PTH2R: variants seen among roughly 807,000 people sequenced by gnomAD.
The protein encoded by PTH2R is PTH2 receptor.
PTH2R carries 59 observed loss-of-function variants against 60.3 expected under a neutral mutation model. The observed-to-expected ratio is 0.98, with a 90% CI of 0.79 to 1.22. The LOEUF is 1.22. PTH2R is among the 50% of genes most tolerant of loss of function. PTH2R has a pLI of 0.00. For synonymous variants in PTH2R, 256 were observed against 243.8 expected (o/e 1.05, Z -0.47); for missense variants, 749 against 682.6 (o/e 1.10, Z -1.08).
rs771076227 is a variant in PTH2R at position 208,489,156 on chromosome 2, G to A, written c.1215+6G>A. The A allele has an allele frequency of 3.1e-6, 5 of 1,613,928 alleles. No homozygotes were observed. The Admixed American group carries it at 8.3e-5, about 27-fold the overall frequency. ...TCTTCTTCAACTCCTTTCAGGTAAA[G>A]GGTGCTGCCTAGTCATCTGATTCTT... On this transcript the variant is annotated splice_donor_region_variant and intron_variant, in intron 11 of 12. Coordinates refer to ENST00000272847, the MANE Select transcript of PTH2R (RefSeq NM_005048.4).
In PTH2R at chr2:208,489,145, T is replaced by A; in HGVS notation, c.1210T>A (p.Phe404Ile). ...GCACTGTGAGCTCTTCTTCAACTCC[T>A]TTCAGGTAAAGGGTGCTGCCTAGTC... ...RMHCELFFNS[F>I]QGFFVSIIYC... Residue 404 changes from phenylalanine (F) to isoleucine (I), a missense_variant, in exon 11 of 13, where the codon TTT (phenylalanine) becomes ATT (isoleucine). Transcript: ENST00000272847. 6.2e-7 allele frequency: 1 copy of A among 1,614,044 alleles called. No individual in the cohort carries two copies. The highest frequency in any genetic ancestry group is 8.5e-7 in the Non-Finnish European group (1 of 1,179,946).
rs1420875610 is a variant in PTH2R, at chr2:208,428,322, T to C, written c.178+19T>C. On this transcript the variant is annotated intron_variant, in intron 2 of 12. Coordinates refer to ENST00000272847, the MANE Select transcript of PTH2R (RefSeq NM_005048.4). ...GAGGGAGGTAAAGATGCCAAGAAAATTGGCTCTCCTTGTGCCTCCTATCTG... is the reference window on the plus strand; with the variant it reads ...GAGGGAGGTAAAGATGCCAAGAAAACTGGCTCTCCTTGTGCCTCCTATCTG... 3.2e-6 allele frequency: 5 copies of C among 1,558,004 alleles called. No homozygotes were observed. The African/African-American group carries it at 5.4e-5, about 17-fold the overall frequency.
chr2:208,464,164 G>T (rs1050839879), intron 9 of PTH2R, among the ~76,000 whole-genome samples: 1 of 152,130 alleles, frequency 6.6e-6, no homozygotes, highest in Admixed American at 6.5e-5. Context: ...TCTCACTTTT[G>T]TAATTTTCCA....
chr2:208,361,340 G>C (rs1472908746), intron 1 of PTH2R: 1 of 152,364 alleles, frequency 6.6e-6, no homozygotes, highest in Non-Finnish European at 1.5e-5. Flanking sequence ...CTCCAGGTTT[G>C]GCAGCAATGG....
At chr2:208,456,199 G>A (rs1444245774) in intron 8 of PTH2R, among the ~76,000 whole-genome samples, 1 of 151,752 alleles carries the variant, frequency 6.6e-6, no homozygotes, top group East Asian at 1.9e-4. Context: ...CCGAGATCAC[G>A]CCACTGCACT....
chr2:208,479,597 C>A (rs1299918816), intron 9 of PTH2R, among the ~76,000 whole-genome samples: 1 of 152,204 alleles, frequency 6.6e-6, no homozygotes, highest in African/African-American at 2.4e-5. Context: ...GAGCAGTACT[C>A]AAGTAGCTTT....
At chr2:208,360,224 G>A (rs1243454694) in exon 1 of PTH2R, 2 of 454,178 alleles carry the variant, frequency 4.4e-6, no homozygotes, top group South Asian at 3.1e-5. Flanking sequence ...AAAAGGCACA[G>A]GTTCCTTGAA....
chr2:208,483,520 G>A (rs1703204624), intron 10 of PTH2R, among the ~76,000 whole-genome samples: 3 of 152,172 alleles, frequency 2.0e-5, no homozygotes, highest in Admixed American at 2.0e-4. Context: ...GGAACAAAGG[G>A]TGGCCTATCT....
At position 208,437,616 on chromosome 2, in the gene PTH2R, C is replaced by T. The variant is rs1225382917; in HGVS notation, c.258C>T (p.Cys86=). ...TGGGGAAAATATCGGCTGTTCCATG[C>T]CCTCCTTATATTTATGACTTCAACC... ...GTVGKISAVP[C]PPYIYDFNHK... The change falls in exon 3 of 13, where the codon TGC becomes TGT. Residue 86 remains cysteine, a synonymous_variant. Transcript: ENST00000272847. 1.2e-6 allele frequency: 2 copies of T among 1,613,348 alleles called. No individual in the cohort carries two copies. The highest frequency in any genetic ancestry group is 1.7e-6 in the Non-Finnish European group (2 of 1,179,718).
At chr2:208,464,001 CA>C (rs1702685951) in intron 9 of PTH2R, among the ~76,000 whole-genome samples, 1 of 152,244 alleles carries the variant, frequency 6.6e-6, no homozygotes, top group Non-Finnish European at 1.5e-5. Context: ...GTTATCTACC[CA>C]AAATGGTATA....
At chr2:208,391,479 T>A (rs534972039) in intron 1 of PTH2R, among the ~76,000 whole-genome samples, 21 of 152,246 alleles carry the variant, frequency 1.4e-4, no homozygotes, top group African/African-American at 3.9e-4. Flanking sequence ...TTCTGATACA[T>A]ACAGATTGAA....
intron 8 of PTH2R, among the ~76,000 whole-genome samples, chr2:208,453,590 A>T (rs558399838): frequency 1.3e-5 from 2 of 152,318 alleles, no homozygotes; most frequent in African/African-American, 2.4e-5. Flanking sequence ...TCTTCAGTGC[A>T]TGCTGATCAA....
intron 6 of PTH2R, among the ~76,000 whole-genome samples, chr2:208,444,358 G>T (rs1702246223): frequency 6.6e-6 from 1 of 152,182 alleles, no homozygotes; most frequent in Non-Finnish European, 1.5e-5. Flanking sequence ...AGCAATAGCT[G>T]CATAAAAGAC....
At chr2:208,389,610 G>A (rs562292949) in intron 1 of PTH2R, among the ~76,000 whole-genome samples, 1 of 152,286 alleles carries the variant, frequency 6.6e-6, no homozygotes, top group Non-Finnish European at 1.5e-5. Flanking sequence ...TCTAGGCTAT[G>A]TATGACCCAT....
intron 9 of PTH2R, among the ~76,000 whole-genome samples, 168 bp downstream of exon 9, chr2:208,460,129 C>T (rs944399944): frequency 1.3e-5 from 2 of 152,136 alleles, no homozygotes; most frequent in African/African-American, 4.8e-5. Flanking sequence ...CTTATTGTGA[C>T]TGACACTGAG....
chr2:208,480,865 G>A (rs1423646974), intron 9 of PTH2R, among the ~76,000 whole-genome samples: 1 of 152,164 alleles, frequency 6.6e-6, no homozygotes, highest in Non-Finnish European at 1.5e-5. Flanking sequence ...TTTCAGTGTT[G>A]TTGAAACTTT....
At chr2:208,385,421 G>A (rs1284874781) in intron 1 of PTH2R, among the ~76,000 whole-genome samples, 2 of 151,912 alleles carry the variant, frequency 1.3e-5, no homozygotes, top group Non-Finnish European at 2.9e-5. Flanking sequence ...TTATGGATAG[G>A]ATTGCAAATC....
intron 9 of PTH2R, among the ~76,000 whole-genome samples, chr2:208,472,506 A>G (rs577825188): frequency 6.6e-6 from 1 of 152,286 alleles, no homozygotes; most frequent in Non-Finnish European, 1.5e-5. Flanking sequence ...ATGATAGTGA[A>G]TAAGTCTCAT....
chr2:208,441,183 A>C (rs1309198835), intron 4 of PTH2R, among the ~76,000 whole-genome samples: 5 of 152,230 alleles, frequency 3.3e-5, no homozygotes, highest in African/African-American at 1.2e-4. Flanking sequence ...AGAACAGCTC[A>C]CATAACTCAG....
Sources: gnomAD v4.1 joint callset for allele counts (sites outside exome capture counted in the v4.1 genomes callset) on GRCh38, gnomAD v4.1.1 for gene constraint, MANE v1.5 for transcripts, NCBI Gene and HGNC (gene_info 2026-07-23, HGNC 2026-07-21) for gene names.